The following NRG3 variants were observed in gnomAD, a reference collection of about 807,000 sequenced individuals.
NRG3 encodes neuregulin 3, also known as pro-neuregulin-3, membrane-bound isoform.
NRG3 carries 31 observed loss-of-function variants against 66.9 expected under a neutral mutation model. That is an observed-to-expected ratio of 0.46 (90% CI 0.35 to 0.63). The LOEUF is 0.63. Among genes scored for constraint, NRG3 ranks in the 20% least tolerant of loss-of-function variants. NRG3 has a pLI of 0.00. For missense variants in NRG3, 910 were observed against 878.9 expected, an observed-to-expected ratio of 1.04 and a Z score of -0.45; for synonymous variants, 393 against 359.4, an observed-to-expected ratio of 1.09 and a Z score of -1.06.
At chr10:82,383,547 T>C (rs2085771312) in intron 2 of NRG3, among the ~76,000 whole-genome samples, 1 of 152,040 alleles carries the variant, frequency 6.6e-6, no homozygotes. Context: ...CCATGATTGT[T>C]TTTGCTGAGT....
rs1346156694 is a variant in NRG3 at position 82,977,730 on chromosome 10, G to A, written c.1413-1220G>A. Among the ~76,000 whole-genome samples the A allele has an allele frequency of 3.9e-5, 6 of 151,980 alleles. No individual in the cohort carries two copies. The South Asian group carries it at 6.2e-4, about 16-fold the overall frequency. On this transcript the variant is annotated intron_variant, in intron 7 of 8. Coordinates refer to ENST00000372141, the MANE Select transcript of NRG3 (RefSeq NM_001010848.4). ...GGAATATAAAGTTTGATCAGTCACC[G>A]TGCCACAACCAAGAAAGTGGTTACT...
chr10:82,841,871 A>C (rs544892303), intron 3 of NRG3, among the ~76,000 whole-genome samples: 137 of 152,294 alleles, frequency 9.0e-4, no homozygotes, highest in Admixed American at 3.2e-3. Context: ...ACAAAAGTTT[A>C]TTTCTTTCTC....
intron 2 of NRG3, among the ~76,000 whole-genome samples, chr10:82,465,331 T>G (rs1334877210): frequency 2.0e-5 from 3 of 152,204 alleles, no homozygotes; most frequent in Admixed American, 1.3e-4. Flanking sequence ...CTTAAAAAGT[T>G]GTCTAAACGA....
chr10:82,136,192 T>C (rs2069332792), intron 1 of NRG3, among the ~76,000 whole-genome samples: 1 of 152,164 alleles, frequency 6.6e-6, no homozygotes, highest in African/African-American at 2.4e-5. Flanking sequence ...TTACTTTCCC[T>C]CAAACAAATG....
intron 3 of NRG3, among the ~76,000 whole-genome samples, chr10:82,834,820 T>C (rs1266632988): frequency 2.0e-5 from 3 of 152,186 alleles, no homozygotes; most frequent in Admixed American, 2.0e-4. Context: ...TGGTCATTTT[T>C]CCCTGGGCCT....
At chr10:82,029,360 GATTAA>G (rs982634469) in intron 1 of NRG3, among the ~76,000 whole-genome samples, 5 of 152,100 alleles carry the variant, frequency 3.3e-5, no homozygotes, top group Non-Finnish European at 5.9e-5. Flanking sequence ...AAGTGAATGG[GATTAA>G]ATTAAATCAT....
intron 2 of NRG3, among the ~76,000 whole-genome samples, chr10:82,601,631 G>A (rs1364988685): frequency 2.0e-5 from 3 of 150,196 alleles, no homozygotes; most frequent in Non-Finnish European, 4.4e-5. Context: ...TGTATCTGTT[G>A]GATATACAAG....
At chr10:82,788,784 T>A (rs953573923) in intron 3 of NRG3, among the ~76,000 whole-genome samples, 31 of 141,232 alleles carry the variant, frequency 2.2e-4, no homozygotes, top group East Asian at 3.9e-4. Flanking sequence ...AAAAAAAAAA[T>A]TTTTTTTTTA....
At chr10:82,037,589 G>A (rs1484454193) in intron 1 of NRG3, among the ~76,000 whole-genome samples, 1 of 152,050 alleles carries the variant, frequency 6.6e-6, no homozygotes, top group African/African-American at 2.4e-5. Flanking sequence ...ATAAACTCAT[G>A]GTCTTTTAAA....
chr10:82,459,492 G>A (rs906453833), intron 2 of NRG3, among the ~76,000 whole-genome samples: 5 of 152,200 alleles, frequency 3.3e-5, no homozygotes, highest in African/African-American at 1.2e-4. Context: ...GCAATAGTGA[G>A]CACAGCTGAC....
chr10:82,813,941 G>A (rs990925878), intron 3 of NRG3, among the ~76,000 whole-genome samples: 6 of 152,360 alleles, frequency 3.9e-5, no homozygotes, highest in Non-Finnish European at 5.9e-5. Flanking sequence ...CTGGCCTGGC[G>A]CGTGACTCCT....
chr10:82,883,847 G>GATCCA (rs1564600542), intron 4 of NRG3, among the ~76,000 whole-genome samples: 1 of 151,970 alleles, frequency 6.6e-6, no homozygotes, highest in African/African-American at 2.4e-5. Flanking sequence ...TGCAGTAAAT[G>GATCCA]ATCCAAAGTA....
intron 2 of NRG3, among the ~76,000 whole-genome samples, chr10:82,719,304 A>G (rs1378014189): frequency 6.6e-6 from 1 of 152,242 alleles, no homozygotes; most frequent in Non-Finnish European, 1.5e-5. Context: ...ATGTGGAATG[A>G]TTAGGGGAAA....
At chr10:82,287,886 A>G (rs1053414561) in intron 1 of NRG3, among the ~76,000 whole-genome samples, 7 of 152,198 alleles carry the variant, frequency 4.6e-5, no homozygotes, top group Non-Finnish European at 8.8e-5. Flanking sequence ...CAGGTTGCTC[A>G]CAGCATGCCA....
At chr10:82,623,839 C>G (rs1201434714) in intron 2 of NRG3, among the ~76,000 whole-genome samples, 1 of 152,078 alleles carries the variant, frequency 6.6e-6, no homozygotes, top group Non-Finnish European at 1.5e-5. Flanking sequence ...ATTCTATGCC[C>G]CTAGTCTAGA....
chr10:82,972,560 A>G (rs1350396148), intron 6 of NRG3, among the ~76,000 whole-genome samples: 1 of 152,194 alleles, frequency 6.6e-6, no homozygotes, highest in Non-Finnish European at 1.5e-5. Context: ...CTATGTAAAT[A>G]TAAGACTACA....
intron 4 of NRG3, among the ~76,000 whole-genome samples, chr10:82,915,977 T>C (rs955519290): frequency 1.3e-5 from 2 of 152,226 alleles, no homozygotes; most frequent in Non-Finnish European, 2.9e-5. Context: ...AGGCTCTTTC[T>C]AGTGCTAGAT....
chr10:82,021,209 C>A (rs2062044065), intron 1 of NRG3, among the ~76,000 whole-genome samples: 1 of 152,032 alleles, frequency 6.6e-6, no homozygotes, highest in Admixed American at 6.6e-5. Flanking sequence ...TTTAGGAGTG[C>A]AGCAAGTGCA....
rs140948392 is a variant in NRG3, at chr10:82,134,987, G to A, written c.824-223752G>A. Among the ~76,000 whole-genome samples the A allele has an allele frequency of 2.1e-3, 311 of 151,584 alleles. 9 individuals carry two copies. The East Asian group carries it at 0.045, about 22-fold the overall frequency. On this transcript the variant is annotated intron_variant, in intron 1 of 8. Transcript: ENST00000372141. ...AAAAATACCACAAAATTAGCCAGGCGTGGTGGCACATGCCTGTAGTCCCAG... is the reference window on the plus strand; with the variant it reads ...AAAAATACCACAAAATTAGCCAGGCATGGTGGCACATGCCTGTAGTCCCAG...
Sources: gnomAD v4.1 joint callset for allele counts (sites outside exome capture counted in the v4.1 genomes callset) on GRCh38, gnomAD v4.1.1 for gene constraint, MANE v1.5 for transcripts, NCBI Gene and HGNC (gene_info 2026-07-23, HGNC 2026-07-21) for gene names.